The following SHOC2 variants were observed in gnomAD, a reference collection of about 807,000 sequenced individuals.
The protein encoded by SHOC2 is SHOC2 leucine rich repeat scaffold protein, also known as leucine-rich repeat protein SHOC-2.
A neutral mutation model predicts 50.2 loss-of-function variants in SHOC2; 4 were observed. The ratio of observed to expected loss-of-function variants is 0.08; its 90% CI spans 0.04 to 0.18. SHOC2 has a LOEUF of 0.18. SHOC2 is among the 10% of genes least tolerant of loss of function. SHOC2 has a pLI of 1.00. For missense variants in SHOC2, 388 were observed against 669.6 expected, an observed-to-expected ratio of 0.58 and a Z score of 4.64; for synonymous variants, 218 against 244.5, an observed-to-expected ratio of 0.89 and a Z score of 1.01.
chr10:110,936,404 G>A (rs891420604), intron 1 of SHOC2, among the ~76,000 whole-genome samples: 1 of 151,754 alleles, frequency 6.6e-6, no homozygotes, highest in Non-Finnish European at 1.5e-5. Context: ...CACCCAGCCT[G>A]CTTCACTGAT....
intron 1 of SHOC2, among the ~76,000 whole-genome samples, chr10:110,941,542 G>C (rs1847145354): frequency 6.6e-6 from 1 of 151,046 alleles, no homozygotes; most frequent in East Asian, 1.9e-4. Flanking sequence ...ATGTTGGCCA[G>C]GCCAGTCTCG....
intron 1 of SHOC2, among the ~76,000 whole-genome samples, chr10:110,950,819 A>G (rs796720382): frequency 7.9e-5 from 12 of 152,328 alleles, no homozygotes; most frequent in African/African-American, 2.6e-4. Context: ...ATGCAGAAGC[A>G]TGAGCATAAA....
rs1164479561 is a variant in SHOC2, at chr10:110,958,290, C to A, written c.-234-5835C>A. Among the ~76,000 whole-genome samples the A allele has an allele frequency of 2.6e-5, 4 of 151,746 alleles. No individual in the cohort carries two copies. The East Asian group carries it at 7.7e-4, about 29-fold the overall frequency. On this transcript the variant is annotated intron_variant, in intron 1 of 8. Transcript: ENST00000369452. ...AGTGCAGTGGTGCGATCTTGGCTCA[C>A]TGCAACCTCTGTCTCCCAGTTCAAG...
chr10:110,938,585 A>T (rs910223231), intron 1 of SHOC2, among the ~76,000 whole-genome samples: 15 of 152,172 alleles, frequency 9.9e-5, no homozygotes, highest in Non-Finnish European at 1.9e-4. Flanking sequence ...TTTCCCAAAA[A>T]GGGTTTTGTG....
chr10:110,948,939 A>AT (rs140558868), intron 1 of SHOC2, among the ~76,000 whole-genome samples: 46 of 149,498 alleles, frequency 3.1e-4, no homozygotes, highest in Non-Finnish European at 4.8e-4. Flanking sequence ...GATTTTTTGC[A>AT]TTTTTTTTTT....
chr10:110,983,090 T>A (rs945452269), intron 2 of SHOC2, among the ~76,000 whole-genome samples: 1 of 152,172 alleles, frequency 6.6e-6, no homozygotes, highest in South Asian at 2.1e-4. Flanking sequence ...TTATATCTTA[T>A]AAGTTTTTGA....
chr10:110,963,789 A>G (rs1847618694), intron 1 of SHOC2, among the ~76,000 whole-genome samples: 1 of 152,212 alleles, frequency 6.6e-6, no homozygotes. Flanking sequence ...TTATATTAAT[A>G]CATGTGAATT....
At chr10:110,930,621 A>G (rs118117760) in intron 1 of SHOC2, among the ~76,000 whole-genome samples, 1 of 151,852 alleles carries the variant, frequency 6.6e-6, no homozygotes, top group Non-Finnish European at 1.5e-5. Context: ...TAAAATTGCC[A>G]GTTTGCATGG....
At chr10:111,011,589 A>T in intron 8 of SHOC2, 21 bp from the exon 9 acceptor site, 1 of 1,590,728 alleles carries the variant, frequency 6.3e-7, no homozygotes, top group Non-Finnish European at 8.6e-7. Context: ...TTAAAAAAAA[A>T]TTGATTTTTT....
At chr10:111,008,951 G>GT (rs1417333473) in intron 6 of SHOC2, among the ~76,000 whole-genome samples, 2 of 152,046 alleles carry the variant, frequency 1.3e-5, no homozygotes, top group African/African-American at 4.8e-5. Context: ...TGAATAAATA[G>GT]TTTCCTATTA....
intron 3 of SHOC2, among the ~76,000 whole-genome samples, chr10:110,991,739 C>T (rs954955657): frequency 6.6e-5 from 10 of 152,102 alleles, no homozygotes; most frequent in Non-Finnish European, 2.9e-5. Flanking sequence ...TTAAAAATTT[C>T]AACAGTTTTA....
At chr10:110,934,921 A>AAATC (rs1220008278) in intron 1 of SHOC2, among the ~76,000 whole-genome samples, 1 of 152,150 alleles carries the variant, frequency 6.6e-6, no homozygotes, top group Non-Finnish European at 1.5e-5. Flanking sequence ...AAGGTAAAGT[A>AAATC]AATCTTTCTC....
chr10:110,965,926 G>A (rs1306595786), intron 2 of SHOC2, among the ~76,000 whole-genome samples: 1 of 152,018 alleles, frequency 6.6e-6, no homozygotes, highest in Non-Finnish European at 1.5e-5. Flanking sequence ...TATAAGATTT[G>A]TAAAAATTGT....
intron 2 of SHOC2, among the ~76,000 whole-genome samples, chr10:110,980,037 C>T (rs1037014078): frequency 1.3e-5 from 2 of 152,134 alleles, no homozygotes; most frequent in Admixed American, 1.3e-4. Flanking sequence ...GCTGAGACAT[C>T]CAAGTGTGTG....
At chr10:110,969,346 G>A (rs546670629) in intron 2 of SHOC2, among the ~76,000 whole-genome samples, 1 of 152,240 alleles carries the variant, frequency 6.6e-6, no homozygotes, top group South Asian at 2.1e-4. Flanking sequence ...CAGGAAATAA[G>A]CACTTTTTTA....
intron 3 of SHOC2, among the ~76,000 whole-genome samples, chr10:110,995,223 T>C (rs537739137): frequency 3.9e-5 from 6 of 152,342 alleles, no homozygotes; most frequent in African/African-American, 1.4e-4. Flanking sequence ...ATAGCAAAGC[T>C]CCTCACTTAC....
intron 1 of SHOC2, among the ~76,000 whole-genome samples, chr10:110,937,591 AAG>A (rs1847052944): frequency 6.6e-6 from 1 of 152,162 alleles, no homozygotes; most frequent in Non-Finnish European, 1.5e-5. Flanking sequence ...TTAAGAGGAA[AAG>A]AGGGGACCAT....
At chr10:110,932,839 G>A (rs1417941411) in intron 1 of SHOC2, among the ~76,000 whole-genome samples, 2 of 152,112 alleles carry the variant, frequency 1.3e-5, no homozygotes, top group South Asian at 2.1e-4. Flanking sequence ...GGTATACTAA[G>A]TGCATTACAC....
chr10:110,947,823 T>G (rs1308880177), intron 1 of SHOC2, among the ~76,000 whole-genome samples: 1 of 136,860 alleles, frequency 7.3e-6, no homozygotes, highest in Non-Finnish European at 1.6e-5. Context: ...ATGAAAGAAA[T>G]AGAGGAGCTA....
Sources: gnomAD v4.1 joint callset for allele counts (sites outside exome capture counted in the v4.1 genomes callset) on GRCh38, gnomAD v4.1.1 for gene constraint, MANE v1.5 for transcripts, NCBI Gene and HGNC (gene_info 2026-07-23, HGNC 2026-07-21) for gene names.